Variants in GRM5 observed in about 807,000 individuals in gnomAD.
The protein encoded by GRM5 is metabotropic glutamate receptor 5.
In GRM5, 19 loss-of-function variants were observed where a neutral mutation model predicts 83.1. The observed-to-expected ratio is 0.23, with a 90% CI of 0.16 to 0.34. The LOEUF (loss-of-function observed/expected upper bound fraction) is 0.34. GRM5 is among the 10% of genes least tolerant of loss of function. The pLI, the probability that GRM5 is intolerant of heterozygous loss-of-function variation, is 1.00. For missense variants in GRM5, 1,160 were observed against 1,588.3 expected, an observed-to-expected ratio of 0.73 and a Z score of 4.58; for synonymous variants, 675 against 633.6, an observed-to-expected ratio of 1.07 and a Z score of -0.98.
At chr11:88,765,472 C>T (rs528174674) in intron 3 of GRM5, among the ~76,000 whole-genome samples, 1 of 149,066 alleles carries the variant, frequency 6.7e-6, no homozygotes, top group African/African-American at 2.5e-5. Context: ...CCATAGTAAT[C>T]GTAACAGTGT....
chr11:88,562,844 G>A (rs1278607926), intron 8 of GRM5, among the ~76,000 whole-genome samples: 1 of 152,066 alleles, frequency 6.6e-6, no homozygotes, highest in Non-Finnish European at 1.5e-5. Context: ...AGACAGTTTG[G>A]GCCAGTGAGA....
intron 4 of GRM5, among the ~76,000 whole-genome samples, chr11:88,624,505 G>C (rs1008509171): frequency 2.6e-4 from 39 of 152,120 alleles, no homozygotes; most frequent in African/African-American, 8.9e-4. Flanking sequence ...ATGACAAGAG[G>C]GAAACTGAAA....
intron 3 of GRM5, among the ~76,000 whole-genome samples, chr11:88,763,389 T>A (rs1467920421): frequency 6.6e-6 from 1 of 151,886 alleles, no homozygotes; most frequent in Non-Finnish European, 1.5e-5. Flanking sequence ...ACTACCATTG[T>A]AACAATGGTT....
At chr11:88,751,072 C>CAAAAAA (rs774458890) in intron 3 of GRM5, among the ~76,000 whole-genome samples, 17 of 47,348 alleles carry the variant, frequency 3.6e-4, no homozygotes, top group African/African-American at 1.4e-3. Context: ...TAGCAGAAGC[C>CAAAAAA]AAAAAAAAAA....
chr11:88,990,702 T>C (rs1939932716), intron 2 of GRM5, among the ~76,000 whole-genome samples: 1 of 151,006 alleles, frequency 6.6e-6, no homozygotes, highest in Non-Finnish European at 1.5e-5. Context: ...GCAAGGCTGG[T>C]TCAATATACG....
chr11:88,534,143 G>A (rs1424485485), intron 8 of GRM5, among the ~76,000 whole-genome samples: 2 of 152,252 alleles, frequency 1.3e-5, no homozygotes, highest in East Asian at 3.8e-4. Flanking sequence ...TGCTAGGGCA[G>A]TGCAGAAGGG....
rs186321410 is a variant in GRM5 at position 88,873,088 on chromosome 11, G to C, written c.662-22933C>G. On this transcript the variant is annotated intron_variant, in intron 2 of 9. Coordinates refer to ENST00000305447, the MANE Select transcript of GRM5 (RefSeq NM_001143831.3). ...CTATACTTACATTAGGCAAAATAGA[G>C]CTTAAGCCAAAAACTGTAGAAAGAT... is the stretch of plus-strand genomic sequence containing the variant. Among the ~76,000 whole-genome samples, 222 of 151,696 alleles carry C rather than the reference G, an allele frequency of 1.5e-3. 1 individual carries two copies. Among genetic ancestry groups the C allele is most frequent in the African/African-American group, 5.0e-3 (208 of 41,476 alleles).
intron 2 of GRM5, among the ~76,000 whole-genome samples, chr11:88,994,072 C>T (rs1030275284): frequency 2.0e-5 from 3 of 151,858 alleles, no homozygotes; most frequent in African/African-American, 7.3e-5. Flanking sequence ...CATTCAGTTA[C>T]TAACAATGAA....
At chr11:88,618,428 C>CT (rs2135252868) in intron 4 of GRM5, among the ~76,000 whole-genome samples, 1 of 152,220 alleles carries the variant, frequency 6.6e-6, no homozygotes, top group South Asian at 2.1e-4. Context: ...ATATTCAATT[C>CT]TTTTTTCTTG....
intron 2 of GRM5, among the ~76,000 whole-genome samples, chr11:88,948,773 GAAAT>G (rs1938361680): frequency 6.6e-6 from 1 of 152,006 alleles, no homozygotes; most frequent in African/African-American, 2.4e-5. Flanking sequence ...AGTTTCCAAA[GAAAT>G]AAAGTTAATT....
At chr11:89,065,337 G>C (rs4990362) in intron 1 of GRM5, among the ~76,000 whole-genome samples, 2 of 150,624 alleles carry the variant, frequency 1.3e-5, no homozygotes, top group Non-Finnish European at 3.0e-5. Flanking sequence ...GAGAGAGACA[G>C]ACACACAGAG....
chr11:88,533,429 T>C (rs982569003), intron 8 of GRM5, among the ~76,000 whole-genome samples: 2 of 152,192 alleles, frequency 1.3e-5, no homozygotes, highest in African/African-American at 4.8e-5. Context: ...CAGACCACCC[T>C]ATTTAAAAAG....
At chr11:88,689,527 G>A (rs1940727096) in intron 3 of GRM5, among the ~76,000 whole-genome samples, 1 of 152,188 alleles carries the variant, frequency 6.6e-6, no homozygotes, top group African/African-American at 2.4e-5. Flanking sequence ...TGGTTTTGGT[G>A]TGAAGAACTT....
intron 2 of GRM5, among the ~76,000 whole-genome samples, chr11:89,038,603 G>A (rs546477846): frequency 1.3e-5 from 2 of 152,216 alleles, no homozygotes; most frequent in South Asian, 4.1e-4. Flanking sequence ...TCCTTAATTT[G>A]TTTTCTTTTC....
At chr11:88,975,768 GA>G (rs1939315020) in intron 2 of GRM5, among the ~76,000 whole-genome samples, 2 of 152,154 alleles carry the variant, frequency 1.3e-5, no homozygotes, top group African/African-American at 2.4e-5. Flanking sequence ...CTGTTAAAAT[GA>G]CAATGTTGGT....
intron 3 of GRM5, among the ~76,000 whole-genome samples, chr11:88,829,260 A>C (rs1459864702): frequency 1.3e-5 from 2 of 152,234 alleles, no homozygotes; most frequent in Non-Finnish European, 2.9e-5. Context: ...CAGGAGTCTG[A>C]GACCAGCCTG....
intron 3 of GRM5, among the ~76,000 whole-genome samples, chr11:88,767,906 T>C (rs1189187506): frequency 1.3e-5 from 2 of 151,810 alleles, no homozygotes; most frequent in East Asian, 1.9e-4. Flanking sequence ...TTACACCCAA[T>C]AGGATAGCAA....
intron 3 of GRM5, among the ~76,000 whole-genome samples, chr11:88,661,145 A>C (rs1387371996): frequency 5.3e-5 from 8 of 152,224 alleles, no homozygotes; most frequent in Non-Finnish European, 1.0e-4. Context: ...CCCAAAGTAG[A>C]CTACAAATTT....
intron 3 of GRM5, among the ~76,000 whole-genome samples, chr11:88,717,437 A>C (rs1435251668): frequency 6.6e-6 from 1 of 151,868 alleles, no homozygotes; most frequent in Non-Finnish European, 1.5e-5. Flanking sequence ...ATTTCATAAA[A>C]ACCCTATATA....
Sources: allele counts gnomAD v4.1 joint callset (sites outside exome capture counted in the v4.1 genomes callset), GRCh38; gene constraint gnomAD v4.1.1; transcripts MANE v1.5; gene names NCBI Gene and HGNC (gene_info 2026-07-23, HGNC 2026-07-21).